The following UPP2 variants were observed in gnomAD, a reference collection of about 807,000 sequenced individuals.
UPP2 encodes the protein uridine phosphorylase 2, also known as UPase 2.
Under a neutral mutation model 26.7 loss-of-function variants are expected in UPP2, and 23 were observed. The ratio of observed to expected loss-of-function variants is 0.86; its 90% CI spans 0.62 to 1.22. UPP2 has a LOEUF of 1.22. Among genes scored for constraint, UPP2 ranks in the 50% most tolerant of loss-of-function variants. The probability of loss-of-function intolerance (pLI) is 0.00; values close to 1 mark genes in which losing one functional copy is unlikely to be tolerated. For synonymous variants in UPP2, 127 were observed against 141.3 expected (o/e 0.90, Z 0.72); for missense variants, 387 against 396.7 (o/e 0.98, Z 0.21).
chr2:158,027,607 G>T (rs547235228), intron 3 of UPP2, among the ~76,000 whole-genome samples: 2 of 152,266 alleles, frequency 1.3e-5, no homozygotes, highest in South Asian at 4.1e-4. Flanking sequence ...CCATTCTGGA[G>T]TCTGGAGGAT....
At chr2:158,084,415 T>G in intron 3 of UPP2, among the ~76,000 whole-genome samples, 1 of 152,174 alleles carries the variant, frequency 6.6e-6, no homozygotes, top group East Asian at 1.9e-4. Flanking sequence ...GTTGGATATA[T>G]AAATTGCAAA....
rs373494108 is a variant in UPP2, at chr2:157,996,794, C to T, written c.61+1535C>T. Reference sequence around the variant, plus strand: ...TCAATGAGAAGTTTAATAGGAAAGTCTTTCTTATAAAGAAATCCTCTCTGG... The same window carrying T: ...TCAATGAGAAGTTTAATAGGAAAGTTTTTCTTATAAAGAAATCCTCTCTGG... On this transcript the variant is annotated intron_variant, in intron 2 of 9. Coordinates refer to the UPP2 transcript ENST00000605860. Among the ~76,000 whole-genome samples the T allele has an allele frequency of 8.2e-4, 125 of 152,230 alleles. 1 individual carries two copies. The highest frequency in any genetic ancestry group is 2.7e-3 in the African/African-American group (114 of 41,544).
At position 158,022,263 on chromosome 2, in the gene UPP2, G is replaced by T. The variant is rs963923695; in HGVS notation, c.147+6377G>T. 1.7e-4 allele frequency among the ~76,000 whole-genome samples: 26 copies of T among 151,996 alleles called. 1 individual carries two copies. The highest frequency in any genetic ancestry group is 1.6e-3 in the Admixed American group (25 of 15,260). ...TCACGACGTCAGGAGTTCGAGACCAGCCTGGCCAACATGGTGAAACCCTGT... is the reference window on the plus strand; with the variant it reads ...TCACGACGTCAGGAGTTCGAGACCATCCTGGCCAACATGGTGAAACCCTGT... On this transcript the variant is annotated intron_variant, in intron 3 of 9. Transcript: ENST00000605860.
At chr2:158,034,250 C>T (rs6731028) in intron 3 of UPP2, among the ~76,000 whole-genome samples, 21,525 of 152,122 alleles carry the variant, frequency 0.14, 1,629 homozygotes, top group Middle Eastern at 0.2. Flanking sequence ...TGCCTGGGGA[C>T]TCTCAAGTCT....
intron 3 of UPP2, among the ~76,000 whole-genome samples, chr2:158,027,097 G>A (rs372917763): frequency 3.3e-5 from 5 of 152,114 alleles, no homozygotes; most frequent in African/African-American, 7.2e-5. Flanking sequence ...ATTCCACCCC[G>A]GCTCCTCCAA....
intron 4 of UPP2, 32 bp downstream of exon 4, chr2:158,117,970 G>A: frequency 4.5e-6 from 7 of 1,551,854 alleles, no homozygotes; most frequent in Non-Finnish European, 6.2e-6. Flanking sequence ...TATTAGAACT[G>A]AGTGATCCTT....
intron 2 of UPP2, among the ~76,000 whole-genome samples, chr2:158,009,573 C>T (rs1683544534): frequency 6.6e-6 from 1 of 152,190 alleles, no homozygotes; most frequent in South Asian, 2.1e-4. Flanking sequence ...CTTTTCTTGT[C>T]ATAGCACTGG....
upstream of UPP2, among the ~76,000 whole-genome samples, chr2:158,098,710 C>T (rs949121257): frequency 3.3e-5 from 5 of 152,060 alleles, 1 homozygote; most frequent in African/African-American, 7.2e-5. Context: ...TGGATGAACG[C>T]GTATCTAAAA....
Position 158,046,742 on chromosome 2 carries a change from T to C in UPP2, c.147+30856T>C, listed in dbSNP as rs148353383. Among the ~76,000 whole-genome samples the C allele has an allele frequency of 3.0e-3, 450 of 152,348 alleles. 5 individuals carry two copies. Among genetic ancestry groups the C allele is most frequent in the South Asian group, 0.028 (135 of 4,828 alleles). On this transcript the variant is annotated intron_variant, in intron 3 of 9. Transcript: ENST00000605860. ...TAAACCTCTTCACTTATGTAATTCC[T>C]ACAAACCTCTCCACTTATGTAATTG...
Position 158,101,999 on chromosome 2 carries a change from T to A in UPP2, c.-65T>A. 1 of 1,603,388 alleles carries A rather than the reference T, an allele frequency of 6.2e-7. No individual in the cohort carries two copies. The highest frequency in any genetic ancestry group is 8.5e-7 in the Non-Finnish European group (1 of 1,176,064). Reference sequence around the variant, plus strand: ...TATTATGACTAGGTCTATAATTTAATAACAAGTCACAATATCTCTCTTTCT... The same window carrying A: ...TATTATGACTAGGTCTATAATTTAAAAACAAGTCACAATATCTCTCTTTCT... On this transcript the variant is annotated 5_prime_UTR_variant, in exon 1 of 7. Transcript: ENST00000005756.
Position 158,029,882 on chromosome 2 carries a change from G to A in UPP2, c.147+13996G>A, listed in dbSNP as rs10207916. On this transcript the variant is annotated intron_variant, in intron 3 of 9. Coordinates refer to the UPP2 transcript ENST00000605860. ...ACTGCTAGTTCTACAGTTTTATAGA[G>A]AACATCTTACAAAAATGCGTTTTAG... is the stretch of plus-strand genomic sequence containing the variant. Among the ~76,000 whole-genome samples, 1,341 of 150,426 alleles carry A rather than the reference G, an allele frequency of 8.9e-3. 20 individuals are homozygous for A. The highest frequency in any genetic ancestry group is 0.031 in the African/African-American group (1,276 of 40,794).
intron 4 of UPP2, among the ~76,000 whole-genome samples, chr2:158,118,369 G>T (rs1024466729): frequency 2.6e-5 from 4 of 151,604 alleles, no homozygotes; most frequent in African/African-American, 9.7e-5. Flanking sequence ...ATTGCTTTTT[G>T]CTCACATCAG....
intron 3 of UPP2, among the ~76,000 whole-genome samples, chr2:158,086,060 T>G (rs1305687160): frequency 6.6e-6 from 1 of 152,104 alleles, no homozygotes; most frequent in African/African-American, 2.4e-5. Flanking sequence ...TCTTGTGGAA[T>G]AGTGTCAACA....
intron 2 of UPP2, among the ~76,000 whole-genome samples, chr2:158,011,666 T>TGGAGGGAG (rs151302482): frequency 7.1e-6 from 1 of 140,044 alleles, no homozygotes; most frequent in Non-Finnish European, 1.6e-5. Context: ...AACACTTGTC[T>TGGAGGGAG]GGAGGGAGGG....
intron 3 of UPP2, among the ~76,000 whole-genome samples, chr2:158,071,241 G>C (rs896457488): frequency 6.6e-6 from 1 of 152,096 alleles, no homozygotes; most frequent in Non-Finnish European, 1.5e-5. Context: ...CACAACCCCA[G>C]GCAGTGCAAC....
At chr2:158,124,621 G>T (rs187646746) in intron 6 of UPP2, among the ~76,000 whole-genome samples, 1 of 152,218 alleles carries the variant, frequency 6.6e-6, no homozygotes, top group Non-Finnish European at 1.5e-5. Flanking sequence ...ACGAGAAGGC[G>T]AACGCAGTAG....
At chr2:158,018,230 C>T (rs1308321856) in intron 3 of UPP2, among the ~76,000 whole-genome samples, 3 of 152,098 alleles carry the variant, frequency 2.0e-5, no homozygotes, top group African/African-American at 7.2e-5. Context: ...CTGTGATATC[C>T]CAAGAAATAG....
chr2:158,013,248 G>A lies in UPP2; in HGVS notation c.62-2553G>A, dbSNP rs58206302. ...TGGCTTTAAGTGATCCTCTGACTTCGGCCTCCCAAAGTGCTGGCATTACAG... is the reference window on the plus strand; with the variant it reads ...TGGCTTTAAGTGATCCTCTGACTTCAGCCTCCCAAAGTGCTGGCATTACAG... On this transcript the variant is annotated intron_variant, in intron 2 of 9. Coordinates refer to the UPP2 transcript ENST00000605860. Among the ~76,000 whole-genome samples, 1,237 of 152,174 alleles carry A rather than the reference G, an allele frequency of 8.1e-3. 67 individuals are homozygous for A. In the East Asian group the frequency reaches 0.16, roughly 19 times the overall value.
intron 3 of UPP2, among the ~76,000 whole-genome samples, chr2:158,056,081 T>C (rs1268661270): frequency 6.6e-6 from 1 of 152,234 alleles, no homozygotes; most frequent in Non-Finnish European, 1.5e-5. Flanking sequence ...TTCCTGATTC[T>C]TTAAAATTAG....
Sources: allele counts gnomAD v4.1 joint callset (sites outside exome capture counted in the v4.1 genomes callset), GRCh38; gene constraint gnomAD v4.1.1; transcripts MANE v1.5; gene names NCBI Gene and HGNC (gene_info 2026-07-23, HGNC 2026-07-21).